Variants in TMEM45B observed in about 807,000 individuals in gnomAD.
The protein encoded by TMEM45B is transmembrane protein 45B.
In TMEM45B, 29 loss-of-function variants were observed where a neutral mutation model predicts 27.3. The observed-to-expected ratio is 1.06, with a 90% CI of 0.79 to 1.45. The LOEUF (loss-of-function observed/expected upper bound fraction) is 1.45. Among genes scored for constraint, TMEM45B ranks in the 40% most tolerant of loss-of-function variants. The pLI is 0.00. For synonymous variants in TMEM45B, 143 were observed against 134.7 expected (o/e 1.06, Z -0.43); for missense variants, 348 against 343.9 (o/e 1.01, Z -0.09).
At chr11:129,848,723 A>C (rs1947803409) in intron 1 of TMEM45B, among the ~76,000 whole-genome samples, 1 of 152,194 alleles carries the variant, frequency 6.6e-6, no homozygotes, top group Admixed American at 6.5e-5. Context: ...TTGTGCTGCT[A>C]CAACAAAATA....
At position 129,853,007 on chromosome 11, in the gene TMEM45B, A is replaced by G. The variant is rs73573561; in HGVS notation, c.178+347A>G. 6.4e-3 allele frequency: 1,123 copies of G among 175,690 alleles called. 16 individuals carry two copies. The highest frequency in any genetic ancestry group is 0.025 in the African/African-American group (1,057 of 42,428). The allele number at this position is 175,690 out of a possible 1,614,324, so 10.9% of individuals were successfully genotyped here. A position where few individuals can be genotyped will look rare whatever the true frequency, so the allele number is the denominator to read the frequency against. ...TAGGCTCACGTACCTTAGTTGTGACAAAGTAGAAAAATCACCTTTTTTCCT... is the reference window on the plus strand; with the variant it reads ...TAGGCTCACGTACCTTAGTTGTGACGAAGTAGAAAAATCACCTTTTTTCCT... On this transcript the variant is annotated intron_variant, in intron 2 of 5. Transcript: ENST00000281441.
At chr11:129,851,070 T>C (rs1422385553) in intron 1 of TMEM45B, among the ~76,000 whole-genome samples, 2 of 152,230 alleles carry the variant, frequency 1.3e-5, no homozygotes, top group Non-Finnish European at 1.5e-5. Flanking sequence ...TTTCTCACTG[T>C]TCTGAAAGCT....
intron 1 of TMEM45B, among the ~76,000 whole-genome samples, chr11:129,840,149 GTAGC>G (rs1333790121): frequency 6.6e-6 from 1 of 152,194 alleles, no homozygotes; most frequent in Non-Finnish European, 1.5e-5. Flanking sequence ...GTTCCATAAT[GTAGC>G]TAATCTAATG....
intron 1 of TMEM45B, among the ~76,000 whole-genome samples, chr11:129,838,168 T>C (rs1374153487): frequency 1.3e-5 from 2 of 152,212 alleles, no homozygotes; most frequent in Non-Finnish European, 1.5e-5. Flanking sequence ...GCCTGCTGTC[T>C]TCTCCCTTTA....
rs563808293 is a variant in TMEM45B, at chr11:129,821,569, C to T, written c.-9+5671C>T. On this transcript the variant is annotated intron_variant, in intron 1 of 5. Coordinates refer to ENST00000281441, the MANE Select transcript of TMEM45B (RefSeq NM_138788.5). Reference sequence around the variant, plus strand: ...TATAAGATTCAGGCCCCATAAGATGCGGTTGCTTTTTGAGCTTGTGCCCAT... The same window carrying T: ...TATAAGATTCAGGCCCCATAAGATGTGGTTGCTTTTTGAGCTTGTGCCCAT... Among the ~76,000 whole-genome samples, 7 of 152,238 alleles carry T rather than the reference C, an allele frequency of 4.6e-5. No homozygotes were observed. In the East Asian group the frequency reaches 9.6e-4, roughly 21 times the overall value.
chr11:129,852,311 A>AGACTTCAGTGAC (rs529014392), intron 1 of TMEM45B, among the ~76,000 whole-genome samples, 164 bp from the exon 2 acceptor site: 165 of 152,334 alleles, frequency 1.1e-3, no homozygotes, highest in Non-Finnish European at 1.8e-3. Flanking sequence ...TTTACAGATG[A>AGACTTCAGTGAC]GACTTCAGTG....
At chr11:129,837,309 G>A (rs753937371) in intron 1 of TMEM45B, among the ~76,000 whole-genome samples, 3 of 151,650 alleles carry the variant, frequency 2.0e-5, no homozygotes, top group Non-Finnish European at 4.4e-5. Context: ...GTTTTGAGAC[G>A]GAGTCTTGCT....
intron 1 of TMEM45B, among the ~76,000 whole-genome samples, chr11:129,848,367 G>A (rs144938284): frequency 0.019 from 2,861 of 152,298 alleles, 44 homozygotes; most frequent in Non-Finnish European, 0.028. Context: ...ACGAAAACCC[G>A]TCAGGCGTGG....
In TMEM45B at chr11:129,852,606, T is replaced by C. The variant is rs765768771; in HGVS notation, c.124T>C (p.Tyr42His). 8 of 1,612,762 alleles carry C rather than the reference T, an allele frequency of 5.0e-6. No homozygotes were observed. The East Asian group carries it at 6.7e-5, about 13-fold the overall frequency. ...GCGGAAGAACAGCCCACTACATTACTATCAGCGTCTCGAGATCGTCGAAGC... is the reference window on the plus strand; with the variant it reads ...GCGGAAGAACAGCCCACTACATTACCATCAGCGTCTCGAGATCGTCGAAGC... ...HTRKNSPLHY[Y>H]QRLEIVEAAI... Residue 42 changes from tyrosine to histidine, a missense_variant, in exon 2 of 6, where the codon TAT becomes CAT. Physicochemically the swap from Tyr to His is moderately conservative, Grantham distance 83 (BLOSUM62 2). Coordinates refer to ENST00000281441, the MANE Select transcript of TMEM45B (RefSeq NM_138788.5).
intron 1 of TMEM45B, among the ~76,000 whole-genome samples, chr11:129,835,938 T>G (rs1327458228): frequency 6.6e-6 from 1 of 152,042 alleles, no homozygotes; most frequent in Non-Finnish European, 1.5e-5. Flanking sequence ...GGCAACATGG[T>G]GAAATCCCGT....
At chr11:129,849,003 G>A (rs1947806836) in intron 1 of TMEM45B, among the ~76,000 whole-genome samples, 1 of 152,096 alleles carries the variant, frequency 6.6e-6, no homozygotes, top group Non-Finnish European at 1.5e-5. Context: ...ATTTTGGAGG[G>A]GACCCATTCA....
intron 1 of TMEM45B, among the ~76,000 whole-genome samples, chr11:129,818,028 A>T (rs1947372496): frequency 6.6e-6 from 1 of 152,184 alleles, no homozygotes; most frequent in African/African-American, 2.4e-5. Context: ...AGATCATAAG[A>T]CAAACACTAG....
At chr11:129,829,071 G>T (rs1455522224) in intron 1 of TMEM45B, among the ~76,000 whole-genome samples, 3 of 152,198 alleles carry the variant, frequency 2.0e-5, no homozygotes, top group Admixed American at 2.0e-4. Context: ...CTCCAAGGTG[G>T]TATTAATGTC....
chr11:129,858,842 G>A lies in TMEM45B; in HGVS notation c.*157G>A, dbSNP rs1947968802. The A allele has an allele frequency of 1.9e-6, 1 of 522,516 alleles. No individual in the cohort carries two copies. Among genetic ancestry groups the A allele is most frequent in the African/African-American group, 1.9e-5 (1 of 51,734 alleles). The allele number at this position is 522,516 out of a possible 1,614,324, so 32.4% of individuals were successfully genotyped here. On this transcript the variant is annotated 3_prime_UTR_variant, in exon 6 of 6. Transcript: ENST00000281441. ...CTGGAGGTTCTACAACAGGAAATCA[G>A]GCCTACAGCATCCTGTGTATCTTGC...
intron 1 of TMEM45B, among the ~76,000 whole-genome samples, chr11:129,831,685 T>TGTTATGAATAATG: frequency 6.6e-6 from 1 of 152,232 alleles, no homozygotes; most frequent in Non-Finnish European, 1.5e-5. Context: ...ACAGCATCAT[T>TGTTATGAATAATG]ATTCATAACA....
At chr11:129,828,795 T>C (rs898417083) in intron 1 of TMEM45B, among the ~76,000 whole-genome samples, 2 of 152,238 alleles carry the variant, frequency 1.3e-5, no homozygotes, top group Non-Finnish European at 2.9e-5. Flanking sequence ...ACACGTCTCA[T>C]TCCCATTAAC....
chr11:129,836,358 A>G (rs2135573002), intron 1 of TMEM45B, among the ~76,000 whole-genome samples: 1 of 152,280 alleles, frequency 6.6e-6, no homozygotes, highest in Middle Eastern at 3.4e-3. Context: ...CGATACTTAC[A>G]TGAGATTTGG....
At position 129,816,471 on chromosome 11, in the gene TMEM45B, G is replaced by A. The variant is rs530990040; in HGVS notation, c.-9+573G>A. ...AGCCTGGAATCTAATAACACCGGGC[G>A]GTGGATAAAGTCCCCCGAGCCAGTG... On this transcript the variant is annotated intron_variant, in intron 1 of 5. Coordinates refer to ENST00000281441, the MANE Select transcript of TMEM45B (RefSeq NM_138788.5). 7.2e-5 allele frequency among the ~76,000 whole-genome samples: 11 copies of A among 152,232 alleles called. No individual in the cohort carries two copies. In the East Asian group the frequency reaches 2.1e-3, roughly 30 times the overall value.
intron 1 of TMEM45B, among the ~76,000 whole-genome samples, chr11:129,851,232 G>T (rs1227829519): frequency 1.3e-5 from 2 of 152,086 alleles, no homozygotes; most frequent in Non-Finnish European, 2.9e-5. Context: ...GGCCCTCATG[G>T]CCTAGTCCCT....
Sources: gnomAD v4.1 joint callset for allele counts (sites outside exome capture counted in the v4.1 genomes callset) on GRCh38, gnomAD v4.1.1 for gene constraint, MANE v1.5 for transcripts, NCBI Gene and HGNC (gene_info 2026-07-23, HGNC 2026-07-21) for gene names.